The following RAPGEF2 variants were observed in gnomAD, a reference collection of about 807,000 sequenced individuals.
RAPGEF2 encodes the protein PDZ domain containing guanine nucleotide exchange factor (GEF) 1.
In RAPGEF2, 54 loss-of-function variants were observed where a neutral mutation model predicts 186.7. The observed-to-expected ratio is 0.29, with a 90% confidence interval of 0.23 to 0.36. The LOEUF is 0.36. Among genes scored for constraint, RAPGEF2 ranks in the 10% least tolerant of loss-of-function variants. The pLI is 1.00. For missense variants in RAPGEF2, 1,532 were observed against 2,045.0 expected (o/e 0.75, Z 4.84); for synonymous variants, 712 against 705.9 (o/e 1.01, Z -0.14).
intron 25 of RAPGEF2, among the ~76,000 whole-genome samples, chr4:159,349,900 A>G (rs766431720): frequency 8.5e-5 from 13 of 152,324 alleles, no homozygotes; most frequent in African/African-American, 1.4e-4. Context: ...ATCAAAAGCA[A>G]TATATTTCTG....
At chr4:159,153,355 G>A (rs1470520926) in intron 1 of RAPGEF2, among the ~76,000 whole-genome samples, 1 of 152,106 alleles carries the variant, frequency 6.6e-6, no homozygotes, top group East Asian at 1.9e-4. Flanking sequence ...TGTGGCCTGG[G>A]CACCAGACTT....
At chr4:159,352,651 G>C (rs1199898018) in intron 26 of RAPGEF2, 34 bp from the exon 27 acceptor site, 3 of 1,511,342 alleles carry the variant, frequency 2.0e-6, no homozygotes, top group Non-Finnish European at 2.8e-6. Flanking sequence ...TAAACCTAGA[G>C]AGTCTAATTA....
chr4:159,185,423 A>G (rs1189519105), intron 1 of RAPGEF2, among the ~76,000 whole-genome samples: 1 of 152,256 alleles, frequency 6.6e-6, no homozygotes, highest in Non-Finnish European at 1.5e-5. Context: ...CTAAATGTCC[A>G]TCAATTGATA....
intron 1 of RAPGEF2, among the ~76,000 whole-genome samples, chr4:159,137,090 A>G (rs994746153): frequency 3.3e-5 from 5 of 152,224 alleles, no homozygotes; most frequent in African/African-American, 7.2e-5. Context: ...CAGTGGGCCT[A>G]TAAATTCATT....
chr4:159,265,766 C>G (rs770669165), intron 7 of RAPGEF2, among the ~76,000 whole-genome samples: 4 of 152,256 alleles, frequency 2.6e-5, no homozygotes, highest in Non-Finnish European at 4.4e-5. Context: ...CTTAAGGAGA[C>G]TTTTGCAGTT....
chr4:159,355,772 T>C (rs1731891609), intron 28 of RAPGEF2, 81 bp from the exon 29 acceptor site: 4 of 1,270,560 alleles, frequency 3.1e-6, no homozygotes, highest in African/African-American at 1.5e-5. Context: ...TGGATGCTGT[T>C]TTAGTAATTA....
intron 7 of RAPGEF2, among the ~76,000 whole-genome samples, chr4:159,260,277 G>A (rs1203995162): frequency 6.6e-6 from 1 of 151,192 alleles, no homozygotes; most frequent in Non-Finnish European, 1.5e-5. Flanking sequence ...ACTGCACCCA[G>A]CCTAATTTTT....
intron 1 of RAPGEF2, among the ~76,000 whole-genome samples, chr4:159,114,557 A>G (rs927424646): frequency 6.6e-6 from 1 of 152,112 alleles, no homozygotes; most frequent in Non-Finnish European, 1.5e-5. Flanking sequence ...CAATTTATTC[A>G]CCTTTATTCC....
At chr4:159,295,718 T>TGAGA (rs1308452252) in intron 7 of RAPGEF2, among the ~76,000 whole-genome samples, 3 of 102,474 alleles carry the variant, frequency 2.9e-5, no homozygotes, top group African/African-American at 9.3e-5. Context: ...AGAGAGTGTG[T>TGAGA]GAGTGTGTGT....
chr4:159,344,534 A>G (rs911440369), intron 23 of RAPGEF2, among the ~76,000 whole-genome samples: 4 of 152,202 alleles, frequency 2.6e-5, no homozygotes, highest in African/African-American at 9.7e-5. Context: ...TTCTGTATAA[A>G]CCAATCCTTT....
intron 1 of RAPGEF2, among the ~76,000 whole-genome samples, chr4:159,104,527 G>GA (rs1560964822): frequency 0.15 from 13,467 of 88,186 alleles, 1,097 homozygotes; most frequent in Non-Finnish European, 0.18. Context: ...AGAGAGAGAG[G>GA]GAGAGACAGA....
At chr4:159,283,327 T>A (rs1561207655) in intron 7 of RAPGEF2, among the ~76,000 whole-genome samples, 1 of 152,186 alleles carries the variant, frequency 6.6e-6, no homozygotes, top group African/African-American at 2.4e-5. Context: ...TTATTTCTTT[T>A]CCAAAATTTA....
intron 7 of RAPGEF2, among the ~76,000 whole-genome samples, chr4:159,245,787 C>A (rs879845025): frequency 9.2e-5 from 14 of 151,996 alleles, no homozygotes; most frequent in Non-Finnish European, 1.8e-4. Flanking sequence ...CCAGCTCTTC[C>A]ATTTTCCTAG....
At position 159,193,043 on chromosome 4, in the gene RAPGEF2, C is replaced by T. The variant is rs556747314; in HGVS notation, c.141-157C>T. ...TTAATGTAATGTAATTTTATTAACC[C>T]AGGTATTAAAAATATTCATCTTGAG... On this transcript the variant is annotated intron_variant, in intron 2 of 29. Transcript: ENST00000691494. Among the ~76,000 whole-genome samples, 22 of 152,118 alleles carry T rather than the reference C, an allele frequency of 1.4e-4. No homozygotes were observed. In the South Asian group the frequency reaches 4.6e-3, roughly 32 times the overall value.
At chr4:159,220,233 G>A (rs1751403657) in intron 4 of RAPGEF2, among the ~76,000 whole-genome samples, 1 of 152,130 alleles carries the variant, frequency 6.6e-6, no homozygotes, top group Non-Finnish European at 1.5e-5. Context: ...GTCAAGAGGG[G>A]TTTGTTTCTT....
At position 159,356,057 on chromosome 4, in the gene RAPGEF2, C is replaced by A. The variant is rs750812704; in HGVS notation, c.4856C>A (p.Thr1619Asn). Residue 1619 changes from threonine (T) to asparagine (N), a missense_variant, in exon 29 of 30, where the codon ACC becomes AAC. Thr to Asn is a moderately conservative substitution (Grantham distance 65). Around this residue, in one of 4 missense-constraint regions of RAPGEF2, gnomAD observed 594 missense variants for 608.5 expected, o/e 0.98. Transcript: ENST00000691494. ...GTACAGCAGCCACATGGGCATCCCACCAGCAGCAGGCCTGTGAACAAACCT... is the reference window on the plus strand; with the variant it reads ...GTACAGCAGCCACATGGGCATCCCAACAGCAGCAGGCCTGTGAACAAACCT... The part of the protein sequence containing the change: ...SSVQQPHGHP[T>N]SSRPVNKPQW... 8 of 1,614,030 alleles carry A rather than the reference C, an allele frequency of 5.0e-6. No homozygotes were observed. In the East Asian group the frequency reaches 6.7e-5, roughly 13 times the overall value.
chr4:159,324,580 AT>A (rs1288134637), intron 11 of RAPGEF2, among the ~76,000 whole-genome samples: 1 of 152,216 alleles, frequency 6.6e-6, no homozygotes, highest in Non-Finnish European at 1.5e-5. Flanking sequence ...TTTTATTTAA[AT>A]ACATATAAGA....
rs1554008945 is a variant in RAPGEF2 at position 159,200,060 on chromosome 4, CTA to C, written c.197+6817_197+6818del. Among the ~76,000 whole-genome samples the C allele has an allele frequency of 9.3e-4, 141 of 151,360 alleles. 1 individual carries two copies. The highest frequency in any genetic ancestry group is 3.0e-3 in the African/African-American group (122 of 41,170). The stretch of plus-strand genomic sequence containing the variant: ...GATTTGATGTAATCTCTCTCTCTCT[CTA>C]TATATATATATAGTTTGTATTGGTG... On this transcript the variant is annotated intron_variant, in intron 3 of 29. Transcript: ENST00000691494.
intron 26 of RAPGEF2, 188 bp from the exon 27 acceptor site, chr4:159,352,497 C>T: frequency 1.8e-6 from 1 of 542,870 alleles, no homozygotes; most frequent in East Asian, 3.0e-5. Context: ...TTCGATTAAA[C>T]AACTTAAGCT....
Sources: allele counts gnomAD v4.1 joint callset (sites outside exome capture counted in the v4.1 genomes callset), GRCh38; gene constraint gnomAD v4.1.1; regional missense constraint gnomAD v4.1.1; transcripts MANE v1.5; gene names NCBI Gene and HGNC (gene_info 2026-07-23, HGNC 2026-07-21).